The following XYLT1 variants were observed in gnomAD, a reference collection of about 807,000 sequenced individuals.
XYLT1 encodes the protein beta-D-xylosyltransferase 1.
A neutral mutation model predicts 91.3 loss-of-function variants in XYLT1; 36 were observed. That is an observed-to-expected ratio of 0.39 (90% CI 0.30 to 0.52). The LOEUF is 0.52. XYLT1 is among the 20% of genes least tolerant of loss of function. The probability of loss-of-function intolerance (pLI) is 0.68; values close to 1 mark genes in which losing one functional copy is unlikely to be tolerated. For missense variants in XYLT1, 1,242 were observed against 1,284.5 expected (o/e 0.97, Z 0.51); for synonymous variants, 588 against 532.0 (o/e 1.11, Z -1.45).
At chr16:17,122,306 G>T (rs1475306476) in intron 10 of XYLT1, among the ~76,000 whole-genome samples, 1 of 152,168 alleles carries the variant, frequency 6.6e-6, no homozygotes, top group African/African-American at 2.4e-5. Flanking sequence ...GAGTAAGGTG[G>T]TATTGCATTG....
At chr16:17,373,650 CACTT>C (rs943101208) in intron 1 of XYLT1, among the ~76,000 whole-genome samples, 3 of 152,320 alleles carry the variant, frequency 2.0e-5, no homozygotes, top group Non-Finnish European at 4.4e-5. Context: ...ATATTTTACT[CACTT>C]AATTCTGACA....
chr16:17,133,844 A>G (rs1309412894), intron 9 of XYLT1, among the ~76,000 whole-genome samples: 1 of 152,216 alleles, frequency 6.6e-6, no homozygotes, highest in Admixed American at 6.5e-5. Context: ...GGGGTGGTTG[A>G]GAAGTTTCAA....
intron 1 of XYLT1, among the ~76,000 whole-genome samples, chr16:17,458,538 G>A (rs921607109): frequency 2.6e-5 from 4 of 152,154 alleles, no homozygotes; most frequent in Non-Finnish European, 1.5e-5. Context: ...GGGACCCAGA[G>A]CACAGTTCCT....
intron 3 of XYLT1, 133 bp downstream of exon 3, chr16:17,258,855 C>T (rs1018109919): frequency 2.7e-6 from 3 of 1,128,414 alleles, no homozygotes; most frequent in Non-Finnish European, 2.3e-6. Context: ...CATCAGATCT[C>T]GTGTGCTCAT....
chr16:17,364,730 T>C (rs777591267), intron 1 of XYLT1, among the ~76,000 whole-genome samples: 118 of 152,170 alleles, frequency 7.8e-4, no homozygotes, highest in Non-Finnish European at 1.4e-3. Flanking sequence ...TAACTGATAC[T>C]CTCAGAGAAT....
chr16:17,162,654 T>C (rs918139367), intron 5 of XYLT1, among the ~76,000 whole-genome samples: 1 of 152,236 alleles, frequency 6.6e-6, no homozygotes, highest in African/African-American at 2.4e-5. Flanking sequence ...AATGTCTTCC[T>C]CTTCATAGCC....
rs116418660 is a variant in XYLT1, at chr16:17,204,906, T to C, written c.914-4252A>G. Among the ~76,000 whole-genome samples the C allele has an allele frequency of 4.8e-3, 711 of 148,196 alleles. 11 individuals are homozygous for C. The highest frequency in any genetic ancestry group is 0.017 in the African/African-American group (690 of 39,942). ...TAACAATGACATGTGGTCAGAGCTA[T>C]GTGGGTCTTTATGAACACGGAACTC... is the stretch of plus-strand genomic sequence containing the variant. On this transcript the variant is annotated intron_variant, in intron 3 of 11. Coordinates refer to ENST00000261381, the MANE Select transcript of XYLT1 (RefSeq NM_022166.4).
intron 2 of XYLT1, among the ~76,000 whole-genome samples, chr16:17,297,898 G>A (rs2034336291): frequency 1.3e-5 from 2 of 152,036 alleles, no homozygotes; most frequent in South Asian, 4.1e-4. Context: ...GTGTGTGCCT[G>A]TAGTCCCAGC....
intron 1 of XYLT1, among the ~76,000 whole-genome samples, chr16:17,427,688 T>C (rs1224210226): frequency 3.3e-5 from 5 of 152,320 alleles, no homozygotes; most frequent in South Asian, 4.1e-4. Flanking sequence ...TCCACATGTA[T>C]CCTACCCACA....
rs79084261 is a variant in XYLT1 at position 17,171,851 on chromosome 16, A to T, written c.1290-12942T>A. 2.6e-3 allele frequency among the ~76,000 whole-genome samples: 397 copies of T among 152,322 alleles called. 2 individuals are homozygous for T. The highest frequency in any genetic ancestry group is 9.3e-3 in the African/African-American group (387 of 41,578). On this transcript the variant is annotated intron_variant, in intron 5 of 11. Coordinates refer to ENST00000261381, the MANE Select transcript of XYLT1 (RefSeq NM_022166.4). ...GCAAAAATGGTTTAGTAGCCTAAAA[A>T]CAAGTGTTCAAAAATCATTTAAAAA...
Position 17,371,217 on chromosome 16 carries a change from CT to C in XYLT1, c.364-13168del, listed in dbSNP as rs1223264883. Reference sequence around the variant, plus strand: ...GAGAGTCCTGTCTTCTCATCAGCCCCTGCTACATACTTTTGACAACTTGTCC... The same window carrying C: ...GAGAGTCCTGTCTTCTCATCAGCCCCGCTACATACTTTTGACAACTTGTCC... On this transcript the variant is annotated intron_variant, in intron 1 of 11. Coordinates refer to ENST00000261381, the MANE Select transcript of XYLT1 (RefSeq NM_022166.4). Among the ~76,000 whole-genome samples the C allele has an allele frequency of 1.6e-4, 25 of 152,342 alleles. No individual in the cohort carries two copies. The Middle Eastern group carries it at 0.014, about 83-fold the overall frequency.
chr16:17,215,028 T>A (rs559399379), intron 3 of XYLT1, among the ~76,000 whole-genome samples: 1 of 152,154 alleles, frequency 6.6e-6, no homozygotes, highest in Non-Finnish European at 1.5e-5. Context: ...TGTGACCGTA[T>A]TGGAGATGTG....
chr16:17,388,780 C>CA (rs2035780473), intron 1 of XYLT1, among the ~76,000 whole-genome samples: 1 of 152,138 alleles, frequency 6.6e-6, no homozygotes, highest in Admixed American at 6.5e-5. Context: ...ATGGTATGAT[C>CA]AGAGAGTAGA....
At chr16:17,333,705 G>A (rs1167908525) in intron 2 of XYLT1, among the ~76,000 whole-genome samples, 7 of 150,116 alleles carry the variant, frequency 4.7e-5, no homozygotes, top group South Asian at 2.1e-4. Context: ...CTCCTGCCCC[G>A]GCCTCCCAAG....
intron 5 of XYLT1, among the ~76,000 whole-genome samples, chr16:17,197,745 C>G (rs1438614597): frequency 6.6e-6 from 1 of 152,296 alleles, no homozygotes; most frequent in Non-Finnish European, 1.5e-5. Flanking sequence ...GGCCTTCGAC[C>G]ACAGACTGAA....
intron 1 of XYLT1, among the ~76,000 whole-genome samples, chr16:17,468,052 CT>C (rs1410592099): frequency 6.6e-6 from 1 of 152,212 alleles, no homozygotes; most frequent in Non-Finnish European, 1.5e-5. Flanking sequence ...GCCTCTATTG[CT>C]TGCGAAAAGG....
intron 1 of XYLT1, among the ~76,000 whole-genome samples, chr16:17,390,167 A>G (rs1283826556): frequency 1.3e-5 from 2 of 152,300 alleles, no homozygotes; most frequent in Non-Finnish European, 1.5e-5. Flanking sequence ...ATTAGCAGAA[A>G]CAAACTCAAC....
chr16:17,260,785 G>A (rs2033710956), intron 2 of XYLT1, among the ~76,000 whole-genome samples: 1 of 152,194 alleles, frequency 6.6e-6, no homozygotes, highest in African/African-American at 2.4e-5. Flanking sequence ...TTTCTGGTCT[G>A]AAAAGCTTAA....
intron 1 of XYLT1, among the ~76,000 whole-genome samples, chr16:17,366,519 A>G (rs559074444): frequency 6.6e-6 from 1 of 152,090 alleles, no homozygotes; most frequent in Non-Finnish European, 1.5e-5. Flanking sequence ...ATATGGTGAA[A>G]CCCCATCTCT....
Sources: allele counts gnomAD v4.1 joint callset (sites outside exome capture counted in the v4.1 genomes callset), GRCh38; gene constraint gnomAD v4.1.1; transcripts MANE v1.5; gene names NCBI Gene and HGNC (gene_info 2026-07-23, HGNC 2026-07-21).